UBE2F: variants seen among roughly 807,000 people sequenced by gnomAD.
UBE2F encodes the protein ubiquitin conjugating enzyme E2 F (putative), also known as NEDD8-conjugating enzyme UBE2F.
A neutral mutation model predicts 29.6 loss-of-function variants in UBE2F; 5 were observed. The observed-to-expected ratio is 0.17, with a 90% CI of 0.09 to 0.36. The LOEUF is 0.36. Among genes scored for constraint, UBE2F ranks in the 10% least tolerant of loss-of-function variants. UBE2F has a pLI of 1.00. For missense variants in UBE2F, 141 were observed against 228.5 expected, an observed-to-expected ratio of 0.62 and a Z score of 2.47; for synonymous variants, 66 against 81.8, an observed-to-expected ratio of 0.81 and a Z score of 1.04.
chr2:238,017,860 C>T (rs547914529), intron 5 of UBE2F, among the ~76,000 whole-genome samples: 18 of 152,268 alleles, frequency 1.2e-4, no homozygotes, highest in African/African-American at 4.1e-4. Context: ...GAAGTGTGCT[C>T]CCACTGCCTG....
At chr2:237,980,237 A>G (rs2063353307) in intron 2 of UBE2F, among the ~76,000 whole-genome samples, 1 of 152,226 alleles carries the variant, frequency 6.6e-6, no homozygotes, top group Admixed American at 6.5e-5. Context: ...GCTTTTGCCA[A>G]GAGTCCTCTG....
chr2:238,005,158 C>A (rs1191583877), intron 4 of UBE2F, among the ~76,000 whole-genome samples: 1 of 152,158 alleles, frequency 6.6e-6, no homozygotes, highest in Non-Finnish European at 1.5e-5. Flanking sequence ...CCTAAGAAAT[C>A]TTTGTCTAAG....
chr2:238,019,654 CT>C (rs375103007), intron 5 of UBE2F, among the ~76,000 whole-genome samples: 46 of 78,012 alleles, frequency 5.9e-4, no homozygotes, highest in South Asian at 3.8e-3. Flanking sequence ...TGTGCTCAGC[CT>C]TTTTTTTTTT....
chr2:237,987,436 G>A (rs767069975), intron 2 of UBE2F, among the ~76,000 whole-genome samples: 5 of 152,160 alleles, frequency 3.3e-5, no homozygotes, highest in Non-Finnish European at 1.5e-5. Flanking sequence ...GGATTGTGGC[G>A]AGGGTTTGCA....
At chr2:237,984,400 T>G (rs2063439270) in intron 2 of UBE2F, among the ~76,000 whole-genome samples, 1 of 152,270 alleles carries the variant, frequency 6.6e-6, no homozygotes, top group African/African-American at 2.4e-5. Context: ...AGTGCTCTGC[T>G]GTTGTTTTGG....
intron 2 of UBE2F, among the ~76,000 whole-genome samples, chr2:237,986,003 A>T (rs1451538842): frequency 1.3e-5 from 2 of 151,712 alleles, no homozygotes; most frequent in African/African-American, 4.9e-5. Context: ...AGATATGTCT[A>T]TTCATGTTTT....
intron 5 of UBE2F, among the ~76,000 whole-genome samples, chr2:238,016,884 A>T (rs1411383718): frequency 6.6e-6 from 1 of 151,966 alleles, no homozygotes; most frequent in East Asian, 1.9e-4. Flanking sequence ...ATTTTCTATA[A>T]CTCTTATCTG....
chr2:237,990,820 T>C (rs1190809753), intron 3 of UBE2F, among the ~76,000 whole-genome samples: 2 of 150,084 alleles, frequency 1.3e-5, no homozygotes, highest in African/African-American at 4.9e-5. Context: ...TCTCCTGTGT[T>C]GCCCAGGCTG....
chr2:238,005,973 C>T (rs767835833), intron 4 of UBE2F, among the ~76,000 whole-genome samples: 1 of 152,278 alleles, frequency 6.6e-6, no homozygotes, highest in Non-Finnish European at 1.5e-5. Flanking sequence ...ATTAGGACTG[C>T]ATTGACTCTA....
Position 237,995,684 on chromosome 2 carries a change from C to G in UBE2F, c.214+875C>G, listed in dbSNP as rs561465479. ...CCACAAATAAGTCCCGGCCTTGTCTCTCTGTAGGTAGGATGGGCTTTTTCT... is the reference window on the plus strand; with the variant it reads ...CCACAAATAAGTCCCGGCCTTGTCTGTCTGTAGGTAGGATGGGCTTTTTCT... On this transcript the variant is annotated intron_variant, in intron 4 of 9. Transcript: ENST00000272930. Among the ~76,000 whole-genome samples, 3 of 152,218 alleles carry G rather than the reference C, an allele frequency of 2.0e-5. No homozygotes were observed. The East Asian group carries it at 5.8e-4, about 29-fold the overall frequency.
At chr2:238,033,015 G>T (rs922481284) in intron 8 of UBE2F, among the ~76,000 whole-genome samples, 1 of 152,170 alleles carries the variant, frequency 6.6e-6, no homozygotes, top group Admixed American at 6.5e-5. Context: ...TTCCAGCAGG[G>T]TGGCTGTTAC....
At chr2:238,002,797 A>T (rs1018051196) in intron 4 of UBE2F, among the ~76,000 whole-genome samples, 2 of 149,944 alleles carry the variant, frequency 1.3e-5, no homozygotes, top group African/African-American at 2.5e-5. Context: ...TTATTTATTT[A>T]TTTTTTTTAT....
At chr2:237,978,079 G>A (rs1042740473) in intron 2 of UBE2F, among the ~76,000 whole-genome samples, 4 of 152,170 alleles carry the variant, frequency 2.6e-5, no homozygotes, top group Admixed American at 2.0e-4. Context: ...GCAAGCACAA[G>A]CACAGCCCTT....
rs2063091809 is a variant in UBE2F, at chr2:237,967,887, A to G, written c.-17+755A>G. Among the ~76,000 whole-genome samples, 1 of 152,116 alleles carries G rather than the reference A, an allele frequency of 6.6e-6. No homozygotes were observed. Among genetic ancestry groups the G allele is most frequent in the South Asian group, 2.1e-4 (1 of 4,824 alleles). On this transcript the variant is annotated intron_variant, in intron 1 of 9. Transcript: ENST00000272930. This position sits in a 1 kb window ranked among gnomAD's most constrained non-coding sequence, Gnocchi z 6.3. ...CCTGGGCTCAGTTTCCTCATCTGTCACAGGAGAGAATTGGGTCCCCCCACT... is the reference window on the plus strand; with the variant it reads ...CCTGGGCTCAGTTTCCTCATCTGTCGCAGGAGAGAATTGGGTCCCCCCACT...
chr2:238,004,572 T>C (rs1417954552), intron 4 of UBE2F, among the ~76,000 whole-genome samples: 1 of 152,188 alleles, frequency 6.6e-6, no homozygotes, highest in Non-Finnish European at 1.5e-5. Context: ...ATCCAACTTA[T>C]GATTGTTTTC....
intron 4 of UBE2F, among the ~76,000 whole-genome samples, chr2:238,013,189 G>A (rs911999662): frequency 6.6e-6 from 1 of 152,192 alleles, no homozygotes; most frequent in East Asian, 1.9e-4. Context: ...AGGATCACCT[G>A]AGCCCTGGAG....
rs1422344375 is a variant in UBE2F at position 238,022,155 on chromosome 2, TTTTTCTTTTC to T, written c.283-3172_283-3163del. Among the ~76,000 whole-genome samples, 14 of 54,852 alleles carry T rather than the reference TTTTTCTTTTC, an allele frequency of 2.6e-4. 1 individual carries two copies. Among genetic ancestry groups the T allele is most frequent in the African/African-American group, 7.9e-4 (13 of 16,498 alleles). 36.0% of individuals were successfully genotyped at this position (54,852 alleles called of 152,430 possible). A position where few individuals can be genotyped will look rare whatever the true frequency, so the allele number is the denominator to read the frequency against. Reference sequence around the variant, plus strand: ...TCGTTTAATATCCGATTGTCATTTCTTTTTCTTTTCTTTTCTTTTCTTTTTTTTTTTGGAG... The same window carrying T: ...TCGTTTAATATCCGATTGTCATTTCTTTTTCTTTTCTTTTTTTTTTTGGAG... On this transcript the variant is annotated intron_variant, in intron 5 of 9. Transcript: ENST00000272930.
chr2:238,031,058 G>C (rs1169346451), intron 7 of UBE2F, among the ~76,000 whole-genome samples: 3 of 152,222 alleles, frequency 2.0e-5, no homozygotes, highest in African/African-American at 7.2e-5. Flanking sequence ...GACCCTAGGG[G>C]AACAGCACAG....
intron 5 of UBE2F, among the ~76,000 whole-genome samples, chr2:238,018,861 G>A (rs2064227977): frequency 6.6e-6 from 1 of 152,200 alleles, no homozygotes. Context: ...ACATCAGGTG[G>A]TGAGAAAATG....
Sources: allele counts gnomAD v4.1 joint callset (sites outside exome capture counted in the v4.1 genomes callset), GRCh38; gene constraint gnomAD v4.1.1; non-coding constraint Gnocchi (gnomAD v3.1); transcripts MANE v1.5; gene names NCBI Gene and HGNC (gene_info 2026-07-23, HGNC 2026-07-21).